Variants in LRMDA observed in about 807,000 individuals in gnomAD.
The protein encoded by LRMDA is leucine-rich melanocyte differentiation-associated protein.
Under a neutral mutation model 29.8 loss-of-function variants are expected in LRMDA, and 18 were observed. The ratio of observed to expected loss-of-function variants is 0.60; its 90% confidence interval spans 0.42 to 0.90. The LOEUF (loss-of-function observed/expected upper bound fraction) is 0.90, where lower values mean the gene tolerates loss of function less well. Among genes scored for constraint, LRMDA ranks in the 40% least tolerant of loss-of-function variants. The pLI is 0.00. For synonymous variants in LRMDA, 125 were observed against 109.4 expected, an observed-to-expected ratio of 1.14 and a Z score of -0.89; for missense variants, 273 against 273.9, an observed-to-expected ratio of 1.00 and a Z score of 0.02.
intron 6 of LRMDA, among the ~76,000 whole-genome samples, chr10:76,441,419 A>G (rs1842301309): frequency 6.6e-6 from 1 of 152,152 alleles, no homozygotes; most frequent in Non-Finnish European, 1.5e-5. Flanking sequence ...TGCCACGGTT[A>G]TGTCATCTGT....
chr10:76,018,796 T>A (rs7096956), intron 2 of LRMDA, among the ~76,000 whole-genome samples: 1 of 151,804 alleles, frequency 6.6e-6, no homozygotes, highest in African/African-American at 2.4e-5. Flanking sequence ...TTGATCTCTT[T>A]ACCTCGTGAT....
At chr10:76,045,790 G>T (rs535006805) in intron 3 of LRMDA, among the ~76,000 whole-genome samples, 3 of 152,184 alleles carry the variant, frequency 2.0e-5, no homozygotes, top group Admixed American at 6.5e-5. Context: ...AACTGTTATG[G>T]TTGTCAGAAA....
chr10:76,467,841 C>G (rs1246808294), intron 6 of LRMDA, among the ~76,000 whole-genome samples: 1 of 152,150 alleles, frequency 6.6e-6, no homozygotes, highest in Admixed American at 6.5e-5. Context: ...AGATCCGAGT[C>G]CAAGCTTTTA....
chr10:76,228,562 AAAG>A (rs1349353629), intron 5 of LRMDA, among the ~76,000 whole-genome samples: 1 of 152,154 alleles, frequency 6.6e-6, no homozygotes, highest in Non-Finnish European at 1.5e-5. Flanking sequence ...TGGTTGGGGC[AAAG>A]ATGAAATCAT....
intron 5 of LRMDA, among the ~76,000 whole-genome samples, chr10:76,296,106 T>C (rs1840408764): frequency 6.6e-6 from 1 of 152,246 alleles, no homozygotes; most frequent in Non-Finnish European, 1.5e-5. Context: ...ACCAACTGGC[T>C]GAAAAGAATT....
In LRMDA at chr10:75,945,285, C is replaced by T. The variant is rs548714994; in HGVS notation, c.132-90723C>T. Among the ~76,000 whole-genome samples the T allele has an allele frequency of 5.3e-5, 8 of 152,322 alleles. No individual in the cohort carries two copies. In the South Asian group the frequency reaches 1.7e-3, roughly 32 times the overall value. Reference sequence around the variant, plus strand: ...AGACTTCCAGTTGTTACTTTTCACTCTGTCTTGTAATCTTCCCAGCATATG... The same window carrying T: ...AGACTTCCAGTTGTTACTTTTCACTTTGTCTTGTAATCTTCCCAGCATATG... On this transcript the variant is annotated intron_variant, in intron 2 of 6. Coordinates refer to ENST00000611255, the MANE Select transcript of LRMDA (RefSeq NM_001305581.2).
intron 2 of LRMDA, among the ~76,000 whole-genome samples, chr10:75,806,270 A>G (rs567577271): frequency 6.3e-4 from 96 of 152,350 alleles, no homozygotes; most frequent in African/African-American, 2.3e-3. Context: ...GGATGGGGAC[A>G]AATATCCAAA....
At chr10:76,303,818 A>G (rs1840514234) in intron 5 of LRMDA, among the ~76,000 whole-genome samples, 1 of 151,684 alleles carries the variant, frequency 6.6e-6, no homozygotes, top group South Asian at 2.1e-4. Flanking sequence ...CAGGAATATG[A>G]CATTCAGTAC....
Position 75,590,384 on chromosome 10 carries a change from T to C in LRMDA, c.131+151890T>C, listed in dbSNP as rs185071709. Among the ~76,000 whole-genome samples, 896 of 152,180 alleles carry C rather than the reference T, an allele frequency of 5.9e-3. 7 individuals carry two copies. The highest frequency in any genetic ancestry group is 0.014 in the Middle Eastern group (4 of 294). On this transcript the variant is annotated intron_variant, in intron 2 of 6. Transcript: ENST00000611255. ...CTTATGGGTTTTGGATTTTTCATTA[T>C]GGTAAATGGAATTTCTGGCTTTCTT...
intron 2 of LRMDA, among the ~76,000 whole-genome samples, chr10:75,835,852 A>G (rs1237997991): frequency 1.3e-5 from 2 of 152,190 alleles, no homozygotes; most frequent in Non-Finnish European, 2.9e-5. Context: ...GTTGCTGAAC[A>G]GTTTAGAGTG....
At chr10:76,465,719 CAT>C (rs765719099) in intron 6 of LRMDA, among the ~76,000 whole-genome samples, 3 of 152,164 alleles carry the variant, frequency 2.0e-5, no homozygotes, top group Non-Finnish European at 2.9e-5. Flanking sequence ...AAACAACAGA[CAT>C]TTATTTTCTC....
intron 2 of LRMDA, among the ~76,000 whole-genome samples, chr10:75,503,531 A>G (rs1650902627): frequency 6.6e-6 from 1 of 151,784 alleles, no homozygotes; most frequent in African/African-American, 2.4e-5. Flanking sequence ...CCTATTTTCC[A>G]TTAGGCTAAT....
chr10:75,685,876 G>T (rs370391485), intron 2 of LRMDA, among the ~76,000 whole-genome samples: 8 of 152,294 alleles, frequency 5.3e-5, no homozygotes, highest in African/African-American at 1.4e-4. Context: ...ATAGTAGCTT[G>T]TATCTATCGA....
intron 2 of LRMDA, among the ~76,000 whole-genome samples, chr10:76,005,926 C>CA (rs1847644419): frequency 8.4e-6 from 1 of 119,044 alleles, no homozygotes; most frequent in African/African-American, 3.7e-5. Flanking sequence ...GAGACTCCAT[C>CA]TTAAATAAAT....
intron 5 of LRMDA, among the ~76,000 whole-genome samples, chr10:76,115,041 G>T (rs1252076164): frequency 2.6e-5 from 4 of 152,162 alleles, no homozygotes; most frequent in African/African-American, 9.7e-5. Flanking sequence ...TTTTTGCTTT[G>T]CTGGAAGTTA....
chr10:76,352,504 C>T (rs369312081), intron 6 of LRMDA, among the ~76,000 whole-genome samples: 11 of 151,954 alleles, frequency 7.2e-5, no homozygotes, highest in African/African-American at 2.7e-4. Flanking sequence ...CTGGACATAG[C>T]GATGACTCAC....
chr10:76,143,464 G>T (rs1182510513), intron 5 of LRMDA, among the ~76,000 whole-genome samples: 1 of 152,006 alleles, frequency 6.6e-6, no homozygotes, highest in African/African-American at 2.4e-5. Flanking sequence ...ATTTTTTCAT[G>T]TGTTTTTTGG....
At chr10:76,358,257 C>A (rs1841267040) in intron 6 of LRMDA, among the ~76,000 whole-genome samples, 10 of 152,174 alleles carry the variant, frequency 6.6e-5, no homozygotes, top group Admixed American at 6.6e-4. Context: ...AACGTTCATT[C>A]ACCTGCTTTA....
chr10:76,182,476 A>G lies in LRMDA; in HGVS notation c.516+123693A>G, dbSNP rs1051185005. 7.9e-5 allele frequency among the ~76,000 whole-genome samples: 12 copies of G among 152,304 alleles called. No homozygotes were observed. The Middle Eastern group carries it at 0.01, about 130-fold the overall frequency. On this transcript the variant is annotated intron_variant, in intron 5 of 6. Transcript: ENST00000611255. ...CACTTTGCAATGTACTTGGCACCCAATAGGCACCAATGAACAGACGATGCT... is the reference window on the plus strand; with the variant it reads ...CACTTTGCAATGTACTTGGCACCCAGTAGGCACCAATGAACAGACGATGCT...
Sources: allele counts gnomAD v4.1 joint callset (sites outside exome capture counted in the v4.1 genomes callset), GRCh38; gene constraint gnomAD v4.1.1; transcripts MANE v1.5; gene names NCBI Gene and HGNC (gene_info 2026-07-23, HGNC 2026-07-21).